Variants in ZBTB44 observed in about 807,000 individuals in gnomAD.
The protein encoded by ZBTB44 is zinc finger and BTB domain-containing protein 44.
A neutral mutation model predicts 54.0 loss-of-function variants in ZBTB44; 15 were observed. The observed-to-expected ratio is 0.28, with a 90% CI of 0.19 to 0.43. ZBTB44 has a LOEUF of 0.43. Among genes scored for constraint, ZBTB44 ranks in the 20% least tolerant of loss-of-function variants. ZBTB44 has a pLI of 1.00. For synonymous variants in ZBTB44, 230 were observed against 250.1 expected (o/e 0.92, Z 0.76); for missense variants, 487 against 707.1 (o/e 0.69, Z 3.53).
At chr11:130,232,884 T>C (rs1953932037) in intron 7 of ZBTB44, 1 of 155,020 alleles carries the variant, frequency 6.5e-6, no homozygotes, top group African/African-American at 2.4e-5. Context: ...ATGCCTATAA[T>C]CCTAGATACT....
intron 2 of ZBTB44, among the ~76,000 whole-genome samples, chr11:130,255,706 T>C (rs376546161): frequency 3.3e-5 from 5 of 151,930 alleles, no homozygotes; most frequent in African/African-American, 1.2e-4. Context: ...TAAAAAATGA[T>C]AAAAGGGATG....
At chr11:130,250,080 G>A (rs1236278224) in intron 2 of ZBTB44, among the ~76,000 whole-genome samples, 1 of 152,200 alleles carries the variant, frequency 6.6e-6, no homozygotes, top group Non-Finnish European at 1.5e-5. Context: ...GCTTGGTCGG[G>A]GGAGGGACAT....
At chr11:130,294,979 G>A (rs561639533) in intron 1 of ZBTB44, among the ~76,000 whole-genome samples, 15 of 152,134 alleles carry the variant, frequency 9.9e-5, no homozygotes, top group Non-Finnish European at 1.5e-4. Flanking sequence ...CTGCATATAC[G>A]CTTTAAAATA....
intron 1 of ZBTB44, among the ~76,000 whole-genome samples, chr11:130,281,616 G>A (rs1328697723): frequency 6.6e-6 from 1 of 151,614 alleles, no homozygotes. Context: ...GGGGGATGGA[G>A]TCTCGTCTCA....
chr11:130,298,046 A>C (rs1264661984), intron 1 of ZBTB44, among the ~76,000 whole-genome samples: 1 of 152,218 alleles, frequency 6.6e-6, no homozygotes, highest in African/African-American at 2.4e-5. Flanking sequence ...ACTTAAGACA[A>C]AGTATTATCA....
At chr11:130,275,791 A>C (rs1390877953) in intron 1 of ZBTB44, among the ~76,000 whole-genome samples, 1 of 152,034 alleles carries the variant, frequency 6.6e-6, no homozygotes, top group Non-Finnish European at 1.5e-5. Flanking sequence ...GCATGCCCAG[A>C]TAATTTTTGT....
At chr11:130,288,345 G>T (rs911449911) in intron 1 of ZBTB44, among the ~76,000 whole-genome samples, 6 of 151,860 alleles carry the variant, frequency 4.0e-5, no homozygotes, top group Non-Finnish European at 7.4e-5. Context: ...CTGTTCTCCA[G>T]CCTGGGTGAC....
At chr11:130,276,232 C>CAAAAAAAAAAAAAAAAAAAAAAA (rs757286125) in intron 1 of ZBTB44, among the ~76,000 whole-genome samples, 20 of 31,708 alleles carry the variant, frequency 6.3e-4, no homozygotes, top group South Asian at 2.4e-3. Context: ...AACTCTGTCT[C>CAAAAAAAAAAAAAAAAAAAAAAA]AAAAAAAAAA....
At chr11:130,289,728 C>T (rs372657266) in intron 1 of ZBTB44, among the ~76,000 whole-genome samples, 19 of 152,232 alleles carry the variant, frequency 1.2e-4, no homozygotes, top group East Asian at 5.8e-4. Flanking sequence ...AAAGCAAGAA[C>T]GTATGTCCTC....
At position 130,233,365 on chromosome 11, in the gene ZBTB44, C is replaced by T. The variant is rs1289871064; in HGVS notation, c.1704G>A (p.Lys568=). Residue 568 remains lysine (K), a synonymous_variant, in exon 7 of 8, where the codon AAG becomes AAA. Coordinates refer to ENST00000357899, the MANE Select transcript of ZBTB44 (RefSeq NM_001301098.2). ...GCTTGACTGTTGTCAATCATGGTTC[C>T]TTGCCTTTGGAGTGGTACTATAAAG... is the stretch of plus-strand genomic sequence containing the variant. ...PVISQYHSKG[K]EP is the part of the protein sequence containing the mutation. 3 of 1,532,074 alleles carry T rather than the reference C, an allele frequency of 2.0e-6. No individual in the cohort carries two copies. The African/African-American group carries it at 4.1e-5, about 21-fold the overall frequency. 94.9% of individuals were successfully genotyped at this position (1,532,074 alleles called of 1,614,324 possible). A position where few individuals can be genotyped will look rare whatever the true frequency, so the allele number is the denominator to read the frequency against.
intron 2 of ZBTB44, among the ~76,000 whole-genome samples, chr11:130,243,288 A>T (rs979059934): frequency 2.0e-5 from 3 of 152,114 alleles, no homozygotes; most frequent in African/African-American, 7.2e-5. Flanking sequence ...GTGCTCTGGT[A>T]ATTTTTCGAC....
chr11:130,235,317 T>C (rs1351505214), intron 5 of ZBTB44, among the ~76,000 whole-genome samples: 1 of 152,212 alleles, frequency 6.6e-6, no homozygotes, highest in Non-Finnish European at 1.5e-5. Flanking sequence ...ACGATAAAGA[T>C]AACATGAGTA....
At chr11:130,255,410 G>C (rs1250056086) in intron 2 of ZBTB44, among the ~76,000 whole-genome samples, 1 of 152,098 alleles carries the variant, frequency 6.6e-6, no homozygotes, top group African/African-American at 2.4e-5. Flanking sequence ...AAGCACAGTT[G>C]AGAGGGAAAT....
At position 130,228,942 on chromosome 11, in the gene ZBTB44, A is replaced by C. The variant is rs1172155252; in HGVS notation, c.*2822T>G. ...TATAAACCAGGTACTTTGAACAAAA[A>C]CTAAAAATTTTAAAGTTAAAAAAAG... is the stretch of plus-strand genomic sequence containing the variant. On this transcript the variant is annotated 3_prime_UTR_variant, in exon 8 of 8. Transcript: ENST00000357899. The C allele has an allele frequency of 6.6e-6, 1 of 152,216 alleles. No homozygotes were observed. The highest frequency in any genetic ancestry group is 2.4e-5 in the African/African-American group (1 of 41,462). The allele number at this position is 152,216 out of a possible 1,614,324, so 9.4% of individuals were successfully genotyped here. A position where few individuals can be genotyped will look rare whatever the true frequency, so the allele number is the denominator to read the frequency against.
intron 1 of ZBTB44, among the ~76,000 whole-genome samples, chr11:130,269,796 T>C (rs943731314): frequency 3.9e-5 from 6 of 152,186 alleles, no homozygotes; most frequent in African/African-American, 1.4e-4. Flanking sequence ...CTGTTTTTTT[T>C]CTCATCTGAA....
chr11:130,260,718 T>C (rs536517475), intron 2 of ZBTB44, 138 bp downstream of exon 2: 26 of 1,011,472 alleles, frequency 2.6e-5, no homozygotes, highest in Admixed American at 9.4e-5. Context: ...TAATAGCATC[T>C]CAAGCAAATC....
At chr11:130,250,087 A>G (rs10894183) in intron 2 of ZBTB44, among the ~76,000 whole-genome samples, 99,848 of 152,008 alleles carry the variant, frequency 0.66, 33,502 homozygotes, top group Admixed American at 0.74. Flanking sequence ...CGGGGGAGGG[A>G]CATCCGCCAT....
At chr11:130,304,306 T>C (rs931932129) in intron 1 of ZBTB44, among the ~76,000 whole-genome samples, 1 of 152,148 alleles carries the variant, frequency 6.6e-6, no homozygotes, top group African/African-American at 2.4e-5. Flanking sequence ...CCCATAACGC[T>C]TATATAGAGT....
In ZBTB44 at chr11:130,228,259, T is replaced by C. The variant is rs1325037021; in HGVS notation, c.*3505A>G. ...TGCTTTTTTAAAAAATACCTTGAGA[T>C]ATAAGCATTAGAAGTCATCACTTTG... On this transcript the variant is annotated 3_prime_UTR_variant, in exon 8 of 8. Transcript: ENST00000357899. 1 of 152,168 alleles carries C rather than the reference T, an allele frequency of 6.6e-6. No individual in the cohort carries two copies. The highest frequency in any genetic ancestry group is 1.5e-5 in the Non-Finnish European group (1 of 68,028). The allele number at this position is 152,168 out of a possible 1,614,324, so 9.4% of individuals were successfully genotyped here.
Sources: gnomAD v4.1 joint callset for allele counts (sites outside exome capture counted in the v4.1 genomes callset) on GRCh38, gnomAD v4.1.1 for gene constraint, MANE v1.5 for transcripts, NCBI Gene and HGNC (gene_info 2026-07-23, HGNC 2026-07-21) for gene names.